Variants in GARNL3 observed in about 807,000 individuals in gnomAD.
The protein encoded by GARNL3 is GTPase activating Rap/RanGAP domain like 3, also known as GTPase-activating Rap/Ran-GAP domain-like protein 3.
In GARNL3, 63 loss-of-function variants were observed where a neutral mutation model predicts 125.0. The observed-to-expected ratio is 0.50, with a 90% CI of 0.41 to 0.62. GARNL3 has a LOEUF of 0.62. Among genes scored for constraint, GARNL3 ranks in the 20% least tolerant of loss-of-function variants. The probability of loss-of-function intolerance (pLI) is 0.00; values close to 1 mark genes in which losing one functional copy is unlikely to be tolerated. For missense variants in GARNL3, 994 were observed against 1,244.0 expected, an observed-to-expected ratio of 0.80 and a Z score of 3.02; for synonymous variants, 439 against 457.5, an observed-to-expected ratio of 0.96 and a Z score of 0.52.
At chr9:127,291,356 T>A (rs2064409628) in intron 2 of GARNL3, 114 bp downstream of exon 2, 1 of 864,612 alleles carries the variant, frequency 1.2e-6, no homozygotes, top group Admixed American at 2.2e-5. Context: ...GAGCTTTGCT[T>A]GAAGCAAATG....
At chr9:127,278,215 C>A (rs1056006575) in intron 1 of GARNL3, among the ~76,000 whole-genome samples, 6 of 152,172 alleles carry the variant, frequency 3.9e-5, no homozygotes, top group African/African-American at 1.2e-4. Context: ...TGTAATCCTA[C>A]AAATAATCAC....
At chr9:127,236,921 C>T (rs1004123922) in intron 1 of GARNL3, among the ~76,000 whole-genome samples, 3 of 152,158 alleles carry the variant, frequency 2.0e-5, no homozygotes, top group South Asian at 4.1e-4. Context: ...CCCTACTCTG[C>T]GCTCTGCACA....
At chr9:127,378,541 C>T (rs1218433863) in intron 22 of GARNL3, among the ~76,000 whole-genome samples, 3 of 140,146 alleles carry the variant, frequency 2.1e-5, no homozygotes, top group Admixed American at 7.6e-5. Context: ...GAGCCGAGAT[C>T]GTGCCATTGC....
chr9:127,355,384 GA>G lies in GARNL3; in HGVS notation c.1851del (p.Lys617AsnfsTer39). ...AIRNKLLLIT[R>X]KHNKPSGVTS... Reference sequence around the variant, plus strand: ...CGGAATAAACTGCTTCTGATCACAAGAAAACACAACAAGCCAAGCGGGGTCA... The same window carrying G: ...CGGAATAAACTGCTTCTGATCACAAGAAACACAACAAGCCAAGCGGGGTCA... On this transcript the variant is annotated frameshift_variant, in exon 20 of 28. Transcript: ENST00000373387. LOFTEE classifies it high-confidence loss of function. 6.2e-7 allele frequency: 1 copy of G among 1,614,232 alleles called. No individual in the cohort carries two copies. Among genetic ancestry groups the G allele is most frequent in the South Asian group, 1.1e-5 (1 of 91,084 alleles).
intron 21 of GARNL3, 144 bp from the exon 22 acceptor site, chr9:127,365,156 T>C: frequency 3.0e-6 from 2 of 676,632 alleles, no homozygotes. Flanking sequence ...CAATGTGCAT[T>C]GTGGGTGCTG....
intron 1 of GARNL3, among the ~76,000 whole-genome samples, chr9:127,282,252 T>A (rs1462606556): frequency 6.6e-6 from 1 of 152,226 alleles, no homozygotes; most frequent in Non-Finnish European, 1.5e-5. Flanking sequence ...TTTAAACAGA[T>A]CTTCCAAGAG....
At chr9:127,305,884 A>C (rs2064940427) in intron 2 of GARNL3, among the ~76,000 whole-genome samples, 1 of 152,176 alleles carries the variant, frequency 6.6e-6, no homozygotes. Context: ...ATAGGCATGA[A>C]CCACTATGCC....
chr9:127,287,479 A>G (rs1363838936), intron 1 of GARNL3, among the ~76,000 whole-genome samples: 1 of 152,156 alleles, frequency 6.6e-6, no homozygotes, highest in African/African-American at 2.4e-5. Context: ...TTCTTCCTGA[A>G]GTGTTAGTTT....
At chr9:127,311,153 G>C (rs2065085149) in intron 2 of GARNL3, among the ~76,000 whole-genome samples, 1 of 151,656 alleles carries the variant, frequency 6.6e-6, no homozygotes, top group African/African-American at 2.4e-5. Context: ...ATGTAAAATA[G>C]TTATTGGCAA....
chr9:127,352,783 C>T (rs376998652), intron 17 of GARNL3, among the ~76,000 whole-genome samples: 18 of 152,240 alleles, frequency 1.2e-4, no homozygotes, highest in Admixed American at 3.3e-4. Context: ...CCATCCAGGA[C>T]GGGATGAACT....
intron 5 of GARNL3, among the ~76,000 whole-genome samples, chr9:127,319,443 T>A (rs570202226): frequency 6.6e-6 from 1 of 151,750 alleles, no homozygotes; most frequent in Non-Finnish European, 1.5e-5. Flanking sequence ...GACCATGCTA[T>A]TGCACTCTAA....
intron 22 of GARNL3, among the ~76,000 whole-genome samples, chr9:127,380,291 C>A (rs1832181319): frequency 6.7e-6 from 1 of 149,274 alleles, no homozygotes; most frequent in Non-Finnish European, 1.5e-5. Context: ...AAATTTTCTT[C>A]TTTATGTTTT....
intron 2 of GARNL3, among the ~76,000 whole-genome samples, chr9:127,295,390 G>A (rs1462267729): frequency 1.3e-5 from 2 of 152,170 alleles, no homozygotes; most frequent in African/African-American, 4.8e-5. Context: ...TAGCTGATCT[G>A]TTCCTGCTTG....
At chr9:127,325,967 C>G (rs988761863) in intron 7 of GARNL3, among the ~76,000 whole-genome samples, 3 of 152,226 alleles carry the variant, frequency 2.0e-5, no homozygotes, top group African/African-American at 7.2e-5. Context: ...GATCCTGACC[C>G]TGGCCTGCTG....
At chr9:127,391,204 G>A (rs1311142339) in intron 27 of GARNL3, among the ~76,000 whole-genome samples, 1 of 151,630 alleles carries the variant, frequency 6.6e-6, no homozygotes, top group African/African-American at 2.4e-5. Flanking sequence ...AGAATCGCTT[G>A]AACATGAGAG....
At chr9:127,235,241 A>C (rs1158887022) in intron 1 of GARNL3, among the ~76,000 whole-genome samples, 1 of 151,428 alleles carries the variant, frequency 6.6e-6, no homozygotes, top group Non-Finnish European at 1.5e-5. Flanking sequence ...ATCTCACTTC[A>C]GGCTAGCCAC....
intron 2 of GARNL3, among the ~76,000 whole-genome samples, chr9:127,304,863 A>C (rs900262430): frequency 6.6e-6 from 1 of 152,026 alleles, no homozygotes; most frequent in Non-Finnish European, 1.5e-5. Flanking sequence ...ATAGCCAAAA[A>C]CCAGAAACAA....
chr9:127,227,822 A>T (rs1344635510), intron 1 of GARNL3, among the ~76,000 whole-genome samples: 6 of 152,028 alleles, frequency 3.9e-5, no homozygotes, highest in Admixed American at 1.3e-4. Context: ...CCAGAGGCTG[A>T]GTCAGGAGGA....
chr9:127,330,714 A>G (rs1829179200), intron 7 of GARNL3, among the ~76,000 whole-genome samples: 2 of 138,008 alleles, frequency 1.4e-5, no homozygotes, highest in African/African-American at 5.5e-5. Flanking sequence ...TGGGGAGATC[A>G]GGAAAGGCCA....
Sources: allele counts gnomAD v4.1 joint callset (sites outside exome capture counted in the v4.1 genomes callset), GRCh38; gene constraint gnomAD v4.1.1; transcripts MANE v1.5; gene names NCBI Gene and HGNC (gene_info 2026-07-23, HGNC 2026-07-21).